DLG2: variants seen among roughly 807,000 people sequenced by gnomAD.
DLG2 encodes discs large MAGUK scaffold protein 2, also known as disks large homolog 2.
A neutral mutation model predicts 132.5 loss-of-function variants in DLG2; 45 were observed. The ratio of observed to expected loss-of-function variants is 0.34; its 90% CI spans 0.27 to 0.44. DLG2 has a LOEUF of 0.44. DLG2 is among the 20% of genes least tolerant of loss of function. The probability of loss-of-function intolerance (pLI) is 1.00; values close to 1 mark genes in which losing one functional copy is unlikely to be tolerated. For missense variants in DLG2, 1,045 were observed against 1,196.9 expected (o/e 0.87, Z 1.87); for synonymous variants, 424 against 419.6 (o/e 1.01, Z -0.13).
At chr11:84,202,049 C>G (rs958461779) in intron 8 of DLG2, among the ~76,000 whole-genome samples, 2 of 151,868 alleles carry the variant, frequency 1.3e-5, no homozygotes, top group South Asian at 2.1e-4. Flanking sequence ...GAACTCCTGA[C>G]TTCATGATCC....
intron 3 of DLG2, among the ~76,000 whole-genome samples, chr11:85,495,058 A>G (rs1183841146): frequency 1.3e-5 from 2 of 152,206 alleles, no homozygotes; most frequent in Non-Finnish European, 2.9e-5. Context: ...TTTTACAAAA[A>G]TAATATACAA....
intron 8 of DLG2, among the ~76,000 whole-genome samples, chr11:84,245,106 C>G (rs573251679): frequency 6.6e-6 from 1 of 152,318 alleles, no homozygotes; most frequent in East Asian, 1.9e-4. Flanking sequence ...CTTAAAACAT[C>G]TCTTAGACAC....
intron 6 of DLG2, among the ~76,000 whole-genome samples, chr11:84,655,734 G>C (rs372502861): frequency 7.6e-6 from 1 of 131,842 alleles, no homozygotes; most frequent in Non-Finnish European, 1.7e-5. Flanking sequence ...GTTTTTTTTT[G>C]TTTGTTTTTT....
At chr11:85,383,603 C>T (rs943715016) in intron 3 of DLG2, among the ~76,000 whole-genome samples, 2 of 152,084 alleles carry the variant, frequency 1.3e-5, no homozygotes, top group African/African-American at 4.8e-5. Context: ...TATTAGCACA[C>T]GGTAAGTAGA....
chr11:84,316,956 T>G, intron 7 of DLG2: 1 of 1,612,732 alleles, frequency 6.2e-7, no homozygotes, highest in Non-Finnish European at 8.5e-7. Context: ...GACCCCCCGG[T>G]CCTGTTTGAA....
chr11:83,886,164 A>G (rs971379930), intron 15 of DLG2, among the ~76,000 whole-genome samples: 2 of 152,206 alleles, frequency 1.3e-5, no homozygotes, highest in Non-Finnish European at 2.9e-5. Flanking sequence ...AAATTGGATA[A>G]AGAGTCAAGA....
chr11:85,353,988 T>TA (rs1001601563), intron 3 of DLG2, among the ~76,000 whole-genome samples: 48 of 141,322 alleles, frequency 3.4e-4, no homozygotes, highest in African/African-American at 8.3e-4. Context: ...AAAGTATAAT[T>TA]AAAAAAAAAA....
intron 7 of DLG2, among the ~76,000 whole-genome samples, chr11:84,382,078 C>T (rs1601083889): frequency 6.6e-6 from 1 of 152,084 alleles, no homozygotes; most frequent in African/African-American, 2.4e-5. Flanking sequence ...AATAAATATC[C>T]ACCCTAACAT....
intron 21 of DLG2, among the ~76,000 whole-genome samples, chr11:83,525,503 T>C (rs1297420210): frequency 6.6e-6 from 1 of 152,174 alleles, no homozygotes; most frequent in African/African-American, 2.4e-5. Context: ...GCATGCAGTA[T>C]AGGGAAAGAA....
intron 6 of DLG2, among the ~76,000 whole-genome samples, chr11:84,995,538 G>T (rs1390871909): frequency 6.6e-6 from 1 of 152,072 alleles, no homozygotes. Context: ...TCTTCTTGTT[G>T]CCACTTCAAC....
At chr11:84,474,309 A>AT (rs773103885) in intron 7 of DLG2, among the ~76,000 whole-genome samples, 1 of 152,082 alleles carries the variant, frequency 6.6e-6, no homozygotes, top group African/African-American at 2.4e-5. Context: ...ATTAATTTTC[A>AT]TTAAATAATT....
intron 18 of DLG2, among the ~76,000 whole-genome samples, chr11:83,655,696 T>C (rs1212706935): frequency 6.6e-6 from 1 of 152,204 alleles, no homozygotes; most frequent in Non-Finnish European, 1.5e-5. Flanking sequence ...TAATTGAGAG[T>C]GTTTAGGCCA....
chr11:84,982,799 G>T lies in DLG2; in HGVS notation c.357+128862C>A, dbSNP rs143601395. The stretch of plus-strand genomic sequence containing the variant: ...AATATTCAAAAAAAAAATCAATATG[G>T]TACATCATATTACCAGGCTAAAGAA... On this transcript the variant is annotated intron_variant, in intron 6 of 27. Coordinates refer to ENST00000376104, the MANE Select transcript of DLG2 (RefSeq NM_001142699.3). Among the ~76,000 whole-genome samples, 998 of 151,888 alleles carry T rather than the reference G, an allele frequency of 6.6e-3. 6 individuals carry two copies. Among genetic ancestry groups the T allele is most frequent in the Middle Eastern group, 0.024 (7 of 292 alleles).
At chr11:83,645,145 C>T (rs957237438) in intron 18 of DLG2, among the ~76,000 whole-genome samples, 2 of 151,866 alleles carry the variant, frequency 1.3e-5, no homozygotes, top group Non-Finnish European at 2.9e-5. Context: ...TCAGTGTGGC[C>T]CATGAGAAAG....
At chr11:84,652,209 C>A (rs1270608948) in intron 6 of DLG2, among the ~76,000 whole-genome samples, 1 of 152,012 alleles carries the variant, frequency 6.6e-6, no homozygotes, top group Non-Finnish European at 1.5e-5. Flanking sequence ...AACTTTGATG[C>A]AAAACTAAGT....
intron 3 of DLG2, among the ~76,000 whole-genome samples, chr11:85,292,269 T>A (rs188812648): frequency 6.6e-6 from 1 of 152,242 alleles, no homozygotes; most frequent in African/African-American, 2.4e-5. Flanking sequence ...TTTATCAGTG[T>A]GGTAAACGTC....
Position 85,236,758 on chromosome 11 carries a change from G to A in DLG2, c.186+48462C>T, listed in dbSNP as rs546885565. On this transcript the variant is annotated intron_variant, in intron 4 of 27. Coordinates refer to ENST00000376104, the MANE Select transcript of DLG2 (RefSeq NM_001142699.3). The stretch of plus-strand genomic sequence containing the variant: ...TGTGCATATAACAAATGAGGAAACT[G>A]AGGTTCTAAAATTTTTATTGACTTG... Among the ~76,000 whole-genome samples, 8 of 152,122 alleles carry A rather than the reference G, an allele frequency of 5.3e-5. No individual in the cohort carries two copies. The East Asian group carries it at 1.6e-3, about 30-fold the overall frequency.
intron 6 of DLG2, among the ~76,000 whole-genome samples, chr11:85,080,330 A>G (rs551231421): frequency 6.6e-6 from 1 of 152,226 alleles, no homozygotes; most frequent in Non-Finnish European, 1.5e-5. Flanking sequence ...TGATTTTGTA[A>G]GCTATATAGA....
intron 15 of DLG2, among the ~76,000 whole-genome samples, chr11:83,896,941 C>G (rs1488799038): frequency 7.7e-6 from 1 of 130,384 alleles, no homozygotes; most frequent in Non-Finnish European, 1.6e-5. Flanking sequence ...TGTCATTAAG[C>G]AGTGTTGTAT....
Sources: allele counts gnomAD v4.1 joint callset (sites outside exome capture counted in the v4.1 genomes callset), GRCh38; gene constraint gnomAD v4.1.1; transcripts MANE v1.5; gene names NCBI Gene and HGNC (gene_info 2026-07-23, HGNC 2026-07-21).